Variants in WDFY3 observed in about 807,000 individuals in gnomAD.
WDFY3 encodes the protein WD repeat and FYVE domain-containing protein 3.
WDFY3 carries 66 observed loss-of-function variants against 409.6 expected under a neutral mutation model. The observed-to-expected ratio is 0.16, with a 90% CI of 0.13 to 0.20. The LOEUF (loss-of-function observed/expected upper bound fraction) is 0.20, where lower values mean the gene tolerates loss of function less well. Among genes scored for constraint, WDFY3 ranks in the 10% least tolerant of loss-of-function variants. The probability of loss-of-function intolerance (pLI) is 1.00; values close to 1 mark genes in which losing one functional copy is unlikely to be tolerated. For missense variants in WDFY3, 3,031 were observed against 4,298.1 expected (o/e 0.71, Z 8.24); for synonymous variants, 1,521 against 1,537.1 (o/e 0.99, Z 0.25).
At chr4:84,855,758 G>C (rs767238008) in intron 4 of WDFY3, among the ~76,000 whole-genome samples, 1 of 152,090 alleles carries the variant, frequency 6.6e-6, no homozygotes, top group African/African-American at 2.4e-5. Flanking sequence ...GCATTATTTC[G>C]TATGGTAAAT....
intron 2 of WDFY3, among the ~76,000 whole-genome samples, chr4:84,928,450 T>C (rs1019035197): frequency 3.3e-5 from 5 of 152,194 alleles, no homozygotes; most frequent in Non-Finnish European, 5.9e-5. Context: ...CTTTCTCATA[T>C]ATATCACTAT....
intron 23 of WDFY3, among the ~76,000 whole-genome samples, chr4:84,786,974 C>A (rs1385505446): frequency 5.9e-5 from 9 of 152,008 alleles, no homozygotes; most frequent in Admixed American, 5.9e-4. Context: ...AGGAGTACTA[C>A]CAAGGAACTG....
intron 44 of WDFY3, 75 bp downstream of exon 44, chr4:84,733,303 CTAAA>C (rs1279222761): frequency 8.2e-6 from 12 of 1,469,906 alleles, no homozygotes; most frequent in Non-Finnish European, 1.1e-5. Context: ...AGGTAATTGA[CTAAA>C]TAGAGAAAAA....
intron 3 of WDFY3, among the ~76,000 whole-genome samples, chr4:84,885,877 C>A (rs1480449830): frequency 6.6e-6 from 1 of 152,176 alleles, no homozygotes; most frequent in African/African-American, 2.4e-5. Context: ...TACATCTACA[C>A]TCTGAAGAAA....
chr4:84,850,926 CTGTTTTTTTTTTTTTT>C (rs1758855473), intron 4 of WDFY3, among the ~76,000 whole-genome samples: 12 of 32,150 alleles, frequency 3.7e-4, no homozygotes, highest in African/African-American at 1.2e-3. Context: ...TTTTATTTAT[CTGTTTTTTTTTTTTTT>C]TTTTTTTTTT....
chr4:84,695,876 A>G (rs912174041), intron 58 of WDFY3, 94 bp downstream of exon 58: 6 of 1,205,768 alleles, frequency 5.0e-6, no homozygotes, highest in Non-Finnish European at 7.0e-6. Context: ...TATTAAGTTA[A>G]TCTAAACTTA....
chr4:84,758,317 G>A (rs1741809735), intron 32 of WDFY3, among the ~76,000 whole-genome samples: 1 of 152,158 alleles, frequency 6.6e-6, no homozygotes, highest in Non-Finnish European at 1.5e-5. Flanking sequence ...CATGATCGTA[G>A]CTCACTTAAC....
intron 3 of WDFY3, among the ~76,000 whole-genome samples, chr4:84,864,504 C>A (rs528553159): frequency 6.6e-6 from 1 of 151,920 alleles, no homozygotes; most frequent in Non-Finnish European, 1.5e-5. Flanking sequence ...CAAAAGAAAT[C>A]TTTTTATTTA....
intron 2 of WDFY3, among the ~76,000 whole-genome samples, chr4:84,904,020 G>A (rs1579062262): frequency 6.6e-6 from 1 of 151,992 alleles, no homozygotes; most frequent in South Asian, 2.1e-4. Context: ...CTAGGAGGTG[G>A]GGCCTTTGGA....
chr4:84,804,280 C>G (rs1342346461), intron 15 of WDFY3: 2 of 152,160 alleles, frequency 1.3e-5, no homozygotes, highest in East Asian at 1.9e-4. Flanking sequence ...CCTATGGGAA[C>G]TCTTTGTTCC....
At chr4:84,929,552 G>C (rs1382487102) in intron 2 of WDFY3, among the ~76,000 whole-genome samples, 1 of 151,762 alleles carries the variant, frequency 6.6e-6, no homozygotes, top group Non-Finnish European at 1.5e-5. Context: ...CTTTAAAGAG[G>C]TAATCAAGTT....
intron 14 of WDFY3, 154 bp downstream of exon 14, chr4:84,809,733 A>G: frequency 1.5e-6 from 1 of 651,734 alleles, no homozygotes; most frequent in Non-Finnish European, 2.5e-6. Flanking sequence ...CCAGAGCAAG[A>G]GTAATATTCA....
chr4:84,955,758 T>C (rs535043582), intron 1 of WDFY3, among the ~76,000 whole-genome samples: 24 of 152,300 alleles, frequency 1.6e-4, no homozygotes, highest in African/African-American at 5.1e-4. Context: ...AACAGGTATA[T>C]TAAATTGTTT....
Position 84,766,239 on chromosome 4 carries a change from AAG to A in WDFY3, c.4970+11_4970+12del. 2.5e-6 allele frequency: 4 copies of A among 1,568,678 alleles called. No individual in the cohort carries two copies. Among genetic ancestry groups the A allele is most frequent in the Non-Finnish European group, 3.5e-6 (4 of 1,158,860 alleles). ...GCAACTGGTATAATCACTTTTAAAA[AAG>A]ATTTACTTACTGCAAATTAATGCTT... On this transcript the variant is annotated intron_variant, in intron 31 of 67. Transcript: ENST00000295888.
At chr4:84,914,448 A>AC (rs1457005300) in intron 2 of WDFY3, among the ~76,000 whole-genome samples, 12 of 151,988 alleles carry the variant, frequency 7.9e-5, no homozygotes, top group African/African-American at 2.9e-4. Context: ...ACAAAACAAA[A>AC]AAAAATAGGT....
chr4:84,913,409 G>A (rs1030293035), intron 2 of WDFY3, among the ~76,000 whole-genome samples: 1 of 152,162 alleles, frequency 6.6e-6, no homozygotes, highest in East Asian at 1.9e-4. Flanking sequence ...TGATAGAGCT[G>A]ATCAGGAAAC....
At chr4:84,876,417 C>T (rs1330213576) in intron 3 of WDFY3, among the ~76,000 whole-genome samples, 2 of 151,982 alleles carry the variant, frequency 1.3e-5, no homozygotes, top group Non-Finnish European at 2.9e-5. Context: ...GATTCCTTAT[C>T]TGGAAAAAAA....
chr4:84,877,157 C>T (rs1387447670), intron 3 of WDFY3, among the ~76,000 whole-genome samples: 5 of 152,142 alleles, frequency 3.3e-5, no homozygotes, highest in African/African-American at 4.8e-5. Context: ...ATAGGCCTGA[C>T]GTTCTTCATG....
intron 62 of WDFY3, among the ~76,000 whole-genome samples, chr4:84,686,990 T>C (rs1024267488): frequency 1.3e-5 from 2 of 152,234 alleles, no homozygotes; most frequent in African/African-American, 4.8e-5. Flanking sequence ...ATATGAACTA[T>C]TTATTTCTGA....
Sources: allele counts gnomAD v4.1 joint callset (sites outside exome capture counted in the v4.1 genomes callset), GRCh38; gene constraint gnomAD v4.1.1; transcripts MANE v1.5; gene names NCBI Gene and HGNC (gene_info 2026-07-23, HGNC 2026-07-21).